DACH1: variants seen among roughly 807,000 people sequenced by gnomAD.
DACH1 encodes dachshund family transcription factor 1, also known as dachshund homolog 1.
DACH1 carries 12 observed loss-of-function variants against 54.2 expected under a neutral mutation model. The observed-to-expected ratio is 0.22, with a 90% confidence interval of 0.14 to 0.36. The LOEUF (loss-of-function observed/expected upper bound fraction) is 0.36. DACH1 is among the 10% of genes least tolerant of loss of function. The pLI is 1.00. For synonymous variants in DACH1, 386 were observed against 366.2 expected, an observed-to-expected ratio of 1.05 and a Z score of -0.62; for missense variants, 805 against 929.8, an observed-to-expected ratio of 0.87 and a Z score of 1.75.
chr13:71,812,382 T>A (rs1031303621), intron 1 of DACH1, among the ~76,000 whole-genome samples: 8 of 152,328 alleles, frequency 5.3e-5, no homozygotes, highest in African/African-American at 1.9e-4. Context: ...TTGTATTTAA[T>A]CAACTTCTAC....
chr13:71,724,941 G>T lies in DACH1; in HGVS notation c.849-43031C>A, dbSNP rs9572772. Among the ~76,000 whole-genome samples, 2,340 of 152,002 alleles carry T rather than the reference G, an allele frequency of 0.015. 121 individuals carry two copies. The East Asian group carries it at 0.21, about 13-fold the overall frequency. On this transcript the variant is annotated intron_variant, in intron 1 of 10. Coordinates refer to ENST00000613252, the MANE Select transcript of DACH1 (RefSeq NM_080759.6). ...TCAATCACAACTAACTATAACTTTTGGGTTTGCAAAGGAACAAGCAATTCT... is the reference window on the plus strand; with the variant it reads ...TCAATCACAACTAACTATAACTTTTTGGTTTGCAAAGGAACAAGCAATTCT...
At chr13:71,694,553 C>T (rs1374286341) in intron 1 of DACH1, among the ~76,000 whole-genome samples, 3 of 152,086 alleles carry the variant, frequency 2.0e-5, no homozygotes, top group African/African-American at 7.2e-5. Flanking sequence ...AATAAATGAC[C>T]TTTTAATACT....
intron 6 of DACH1, among the ~76,000 whole-genome samples, chr13:71,536,961 T>C (rs768932577): frequency 6.6e-6 from 1 of 152,072 alleles, no homozygotes; most frequent in Non-Finnish European, 1.5e-5. Context: ...CCGCACACCA[T>C]TATATATTTT....
At chr13:71,723,191 C>G (rs1218710790) in intron 1 of DACH1, among the ~76,000 whole-genome samples, 2 of 151,236 alleles carry the variant, frequency 1.3e-5, no homozygotes, top group Non-Finnish European at 2.9e-5. Context: ...CGCTTGAGCC[C>G]AGGAGTTTGA....
At chr13:71,715,237 C>CAGAA (rs571981600) in intron 1 of DACH1, among the ~76,000 whole-genome samples, 272 of 152,204 alleles carry the variant, frequency 1.8e-3, no homozygotes, top group Middle Eastern at 3.4e-3. Context: ...GATCAAAAGA[C>CAGAA]AGAAGCTGTC....
intron 1 of DACH1, among the ~76,000 whole-genome samples, chr13:71,719,113 C>T (rs542867785): frequency 1.3e-5 from 2 of 152,238 alleles, no homozygotes; most frequent in South Asian, 4.1e-4. Context: ...TAGTATTTTG[C>T]TTTCAACAGT....
intron 3 of DACH1, among the ~76,000 whole-genome samples, chr13:71,609,358 G>C (rs936782834): frequency 6.6e-5 from 10 of 152,116 alleles, no homozygotes; most frequent in African/African-American, 2.4e-4. Flanking sequence ...GTTTCACAAT[G>C]ATATGTGGAT....
chr13:71,522,411 T>C (rs915157690), intron 6 of DACH1, among the ~76,000 whole-genome samples: 1 of 151,954 alleles, frequency 6.6e-6, no homozygotes, highest in African/African-American at 2.4e-5. Flanking sequence ...CCTCCCTACC[T>C]TGAGAATCGC....
chr13:71,785,014 T>G (rs887833701), intron 1 of DACH1, among the ~76,000 whole-genome samples: 1 of 152,148 alleles, frequency 6.6e-6, no homozygotes, highest in Admixed American at 6.6e-5. Flanking sequence ...AAATATATAA[T>G]GGGATTCAGG....
chr13:71,612,972 G>A lies in DACH1; in HGVS notation c.1126+17584C>T, dbSNP rs1469705232. ...CATGCCAGTCAATGTGGCCAGGCCT[G>A]CCCTGCCCTCAGCAAGCTGATGGTC... On this transcript the variant is annotated intron_variant, in intron 3 of 10. Transcript: ENST00000613252. Among the ~76,000 whole-genome samples, 3 of 152,200 alleles carry A rather than the reference G, an allele frequency of 2.0e-5. No homozygotes were observed. In the East Asian group the frequency reaches 5.8e-4, roughly 29 times the overall value.
intron 6 of DACH1, among the ~76,000 whole-genome samples, chr13:71,511,750 T>C (rs1228445248): frequency 6.6e-6 from 1 of 151,988 alleles, no homozygotes; most frequent in African/African-American, 2.4e-5. Context: ...TGATTACCTT[T>C]CTTTTCCTTG....
At chr13:71,800,316 A>G (rs987413571) in intron 1 of DACH1, among the ~76,000 whole-genome samples, 5 of 152,162 alleles carry the variant, frequency 3.3e-5, no homozygotes, top group African/African-American at 1.2e-4. Context: ...GAGAAATCTA[A>G]TAGCCGGAGC....
intron 6 of DACH1, among the ~76,000 whole-genome samples, chr13:71,543,657 C>T (rs1883280579): frequency 6.6e-6 from 1 of 152,036 alleles, no homozygotes; most frequent in African/African-American, 2.4e-5. Context: ...CTTAAACTCC[C>T]CATCTGCCTT....
At chr13:71,614,217 T>A (rs1020554713) in intron 3 of DACH1, among the ~76,000 whole-genome samples, 4 of 152,170 alleles carry the variant, frequency 2.6e-5, no homozygotes, top group Non-Finnish European at 4.4e-5. Flanking sequence ...AATTTAACCA[T>A]TGGACTGCAT....
chr13:71,542,416 T>C (rs1194462476), intron 6 of DACH1, among the ~76,000 whole-genome samples: 1 of 151,986 alleles, frequency 6.6e-6, no homozygotes, highest in Non-Finnish European at 1.5e-5. Context: ...ATCTGAGTTA[T>C]TATCATACAG....
chr13:71,484,939 C>T lies in DACH1; in HGVS notation c.1722+4058G>A, dbSNP rs142203916. 2.0e-3 allele frequency among the ~76,000 whole-genome samples: 304 copies of T among 151,966 alleles called. 1 individual carries two copies. Among genetic ancestry groups the T allele is most frequent in the African/African-American group, 7.0e-3 (290 of 41,472 alleles). ...AATTGCCAGGTTTGGTGGTGGGAGG[C>T]TACTCCCAGCTACTCAGGAGGCTGA... is the stretch of plus-strand genomic sequence containing the variant. On this transcript the variant is annotated intron_variant, in intron 7 of 10. Coordinates refer to ENST00000613252, the MANE Select transcript of DACH1 (RefSeq NM_080759.6).
intron 10 of DACH1, among the ~76,000 whole-genome samples, chr13:71,443,745 G>A (rs767202195): frequency 1.5e-4 from 23 of 151,978 alleles, no homozygotes; most frequent in Non-Finnish European, 2.9e-4. Context: ...GCCCCTAACT[G>A]TCATTTCTGA....
At chr13:71,486,521 G>A (rs1002472967) in intron 7 of DACH1, among the ~76,000 whole-genome samples, 1 of 151,958 alleles carries the variant, frequency 6.6e-6, no homozygotes, top group East Asian at 1.9e-4. Flanking sequence ...AAAAGAGTTA[G>A]CATCTGCAAG....
At chr13:71,632,413 C>T (rs888938269) in intron 2 of DACH1, among the ~76,000 whole-genome samples, 1 of 141,436 alleles carries the variant, frequency 7.1e-6, no homozygotes, top group African/African-American at 2.6e-5. Flanking sequence ...CCCAACCCCA[C>T]CCATTTTTTT....
Sources: gnomAD v4.1 joint callset for allele counts (sites outside exome capture counted in the v4.1 genomes callset) on GRCh38, gnomAD v4.1.1 for gene constraint, MANE v1.5 for transcripts, NCBI Gene and HGNC (gene_info 2026-07-23, HGNC 2026-07-21) for gene names.